FCRLB: variants seen among roughly 807,000 people sequenced by gnomAD.
FCRLB encodes Fc receptor-like B.
In FCRLB, 34 loss-of-function variants were observed where a neutral mutation model predicts 33.6. The observed-to-expected ratio is 1.01, with a 90% CI of 0.77 to 1.35. The LOEUF is 1.35. FCRLB is among the 40% of genes most tolerant of loss of function. The pLI, the probability that FCRLB is intolerant of heterozygous loss-of-function variation, is 0.00. For synonymous variants in FCRLB, 280 were observed against 255.9 expected (o/e 1.09, Z -0.90); for missense variants, 560 against 580.2 (o/e 0.97, Z 0.36).
exon 8 of FCRLB, chr1:161,727,892 T>C: frequency 1.9e-6 from 1 of 538,084 alleles, no homozygotes; most frequent in Non-Finnish European, 3.3e-6. Flanking sequence ...AAACCTGTTA[T>C]TTACTACATT....
chr1:161,725,859 G>A (rs779224508), exon 6 of FCRLB: 2 of 1,613,932 alleles, frequency 1.2e-6, no homozygotes, highest in Non-Finnish European at 1.7e-6. Flanking sequence ...GCCAGTGTTC[G>A]AGGGTGAGCC....
intron 7 of FCRLB, 58 bp from the exon 8 acceptor site, chr1:161,727,189 G>A: frequency 6.7e-6 from 8 of 1,197,232 alleles, no homozygotes; most frequent in Non-Finnish European, 8.9e-6. Context: ...CCCTCCCCCA[G>A]CCCAGCGCCG....
Position 161,726,111 on chromosome 1 carries a change from G to A in FCRLB, c.574+24G>A, listed in dbSNP as rs1218217808. On this transcript the variant is annotated intron_variant, in intron 6 of 7. Transcript: ENST00000367948. The surrounding 1 kb of genome is among the most constrained non-coding windows in gnomAD (Gnocchi z 5.2). ...AGGTGGGAGAGACCAGGGGCCCCGG[G>A]AGGGAGGCAAATGAGCATTGAGAAA... The A allele has an allele frequency of 1.2e-6, 2 of 1,605,850 alleles. No individual in the cohort carries two copies. Among genetic ancestry groups the A allele is most frequent in the Non-Finnish European group, 1.7e-6 (2 of 1,174,056 alleles).
chr1:161,725,861 G>A, exon 6 of FCRLB: 2 of 1,613,930 alleles, frequency 1.2e-6, no homozygotes, highest in Non-Finnish European at 1.7e-6. Context: ...CAGTGTTCGA[G>A]GGTGAGCCGC....
chr1:161,726,906 G>T lies in FCRLB; in HGVS notation c.778G>T (p.Glu260Ter). 1 of 1,589,432 alleles carries T rather than the reference G, an allele frequency of 6.3e-7. No individual in the cohort carries two copies. Among genetic ancestry groups the T allele is most frequent in the Non-Finnish European group, 8.6e-7 (1 of 1,167,512 alleles). ...GTACACAGTCCCGGAGCCCGAGGTC[G>T]AGGAGCTCGAATCGTACTGGTGCGA... Residue 260 changes from glutamate to a stop codon, truncating the protein, a stop_gained, in exon 7 of 8, where the codon GAG becomes TAG. Coordinates refer to ENST00000367948, the Ensembl canonical transcript of FCRLB. LOFTEE classifies it high-confidence loss of function. The surrounding 1 kb of genome is among the most constrained non-coding windows in gnomAD (Gnocchi z 5.2).
At chr1:161,727,199 G>T (rs1385266950) in intron 7 of FCRLB, 48 bp from the exon 8 acceptor site, 4 of 1,271,856 alleles carry the variant, frequency 3.1e-6, no homozygotes, top group Non-Finnish European at 4.2e-6. Context: ...GCCCAGCGCC[G>T]AGAAGAACCA....
rs760228035 is a variant in FCRLB at position 161,726,895 on chromosome 1, A to G, written c.767A>G (p.Glu256Gly). 3.6e-5 allele frequency: 57 copies of G among 1,587,678 alleles called. No homozygotes were observed. Among genetic ancestry groups the G allele is most frequent in the Non-Finnish European group, 4.8e-5 (56 of 1,166,494 alleles). Residue 256 changes from glutamate to glycine, a missense_variant, in exon 7 of 8, where the codon GAG becomes GGG. Coordinates refer to ENST00000367948, the Ensembl canonical transcript of FCRLB. The surrounding 1 kb of genome is among the most constrained non-coding windows in gnomAD (Gnocchi z 5.2). ...TGGGGCGCCGAGTACACAGTCCCGG[A>G]GCCCGAGGTCGAGGAGCTCGAATCG...
In FCRLB at chr1:161,726,563, C is replaced by T. The variant is rs768922272; in HGVS notation, c.575-140C>T. ...CCCCACATTTCAGAAGGCTCCCCTT[C>T]CCCCTCCACGTGGACACACGGCCTC... On this transcript the variant is annotated intron_variant, in intron 6 of 7. Coordinates refer to ENST00000367948, the Ensembl canonical transcript of FCRLB. This position sits in a 1 kb window ranked among gnomAD's most constrained non-coding sequence, Gnocchi z 5.2. 6.7e-6 allele frequency: 8 copies of T among 1,197,928 alleles called. No homozygotes were observed. The African/African-American group carries it at 9.1e-5, about 14-fold the overall frequency. 74.2% of individuals were successfully genotyped at this position (1,197,928 alleles called of 1,614,324 possible).
chr1:161,727,089 GT>G, intron 7 of FCRLB, 96 bp downstream of exon 7: 1 of 769,894 alleles, frequency 1.3e-6, no homozygotes, highest in Non-Finnish European at 1.6e-6. Flanking sequence ...CCTGGTTCCC[GT>G]CCCGCCCCCC....
exon 5 of FCRLB, chr1:161,723,529 A>T (rs1683443622): frequency 6.2e-7 from 1 of 1,614,174 alleles, no homozygotes; most frequent in Non-Finnish European, 8.5e-7. Context: ...CCCTCTCACA[A>T]GAAGAGCATT....
intron 4 of FCRLB, among the ~76,000 whole-genome samples, 161 bp downstream of exon 4, chr1:161,723,170 A>C (rs1053954145): frequency 1.5e-4 from 23 of 152,120 alleles, no homozygotes; most frequent in African/African-American, 5.6e-4. Flanking sequence ...GGCATTTAGA[A>C]ATGGGTGCTG....
At position 161,726,701 on chromosome 1, in the gene FCRLB, A is replaced by G. The variant is rs2101679621; in HGVS notation, c.575-2A>G. Reference sequence around the variant, plus strand: ...CGCCGTTGCTCCCCGCCCTCTCCGTAGAGCTGTTCCGGGCGCCGGTGCTGA... The same window carrying G: ...CGCCGTTGCTCCCCGCCCTCTCCGTGGAGCTGTTCCGGGCGCCGGTGCTGA... On this transcript the variant is annotated splice_acceptor_variant, in intron 6 of 7. Transcript: ENST00000367948. LOFTEE classifies it high-confidence loss of function. This position sits in a 1 kb window ranked among gnomAD's most constrained non-coding sequence, Gnocchi z 5.2. The G allele has an allele frequency of 6.3e-7, 1 of 1,589,942 alleles. No individual in the cohort carries two copies. Among genetic ancestry groups the G allele is most frequent in the East Asian group, 2.3e-5 (1 of 44,142 alleles).
chr1:161,728,039 C>G (rs1255253777), exon 8 of FCRLB: 1 of 183,026 alleles, frequency 5.5e-6, no homozygotes, highest in African/African-American at 2.4e-5. Context: ...ATTTTAGGGT[C>G]AAAGTGTAAT....
Position 161,726,014 on chromosome 1 carries a change from G to A in FCRLB, c.501G>A (p.Gln167=). 1 of 1,614,114 alleles carries A rather than the reference G, an allele frequency of 6.2e-7. No homozygotes were observed. The highest frequency in any genetic ancestry group is 8.5e-7 in the Non-Finnish European group (1 of 1,179,962). Residue 167 remains glutamine, a synonymous_variant, in exon 6 of 8, where the codon CAG becomes CAA. Transcript: ENST00000367948. This position sits in a 1 kb window ranked among gnomAD's most constrained non-coding sequence, Gnocchi z 5.2. ...GTGCCAGCGACAGCGGGCGCTACCA[G>A]TGCTCGGGCACCATGCGCATCCCGG...
At position 161,727,238 on chromosome 1, in the gene FCRLB, C is replaced by G. The variant is rs373624407; in HGVS notation, c.866-9C>G. On this transcript the variant is annotated splice_polypyrimidine_tract_variant and intron_variant, in intron 7 of 7. Transcript: ENST00000367948. The stretch of plus-strand genomic sequence containing the variant: ...AAGCCGCGCGTGACTGGGCGTAATG[C>G]ATTCACAGGTTCTCCCCTGGACCCG... The G allele has an allele frequency of 6.3e-7, 1 of 1,586,212 alleles. No homozygotes were observed.
rs1301731454 is a variant in FCRLB, at chr1:161,721,754, G to A, written c.-116-1G>A. On this transcript the variant is annotated splice_acceptor_variant, in intron 1 of 7. Coordinates refer to ENST00000367948, the Ensembl canonical transcript of FCRLB. LOFTEE classifies it low-confidence loss of function (5UTR_SPLICE). ...AAATTCAGGTTCTCCTCATTGCTCAGGTACGGTCACATGGCTCAGAAAGCA... is the reference window on the plus strand; with the variant it reads ...AAATTCAGGTTCTCCTCATTGCTCAAGTACGGTCACATGGCTCAGAAAGCA... The A allele has an allele frequency of 6.6e-6, 1 of 152,264 alleles. No homozygotes were observed. The highest frequency in any genetic ancestry group is 1.5e-5 in the Non-Finnish European group (1 of 68,094). The allele number at this position is 152,264 out of a possible 1,614,324, so 9.4% of individuals were successfully genotyped here. A position where few individuals can be genotyped will look rare whatever the true frequency, so the allele number is the denominator to read the frequency against.
chr1:161,722,133 G>A (rs1163511788), intron 2 of FCRLB, among the ~76,000 whole-genome samples: 9 of 152,162 alleles, frequency 5.9e-5, no homozygotes, highest in African/African-American at 9.7e-5. Context: ...TCTACTCATT[G>A]TGGCAGGATG....
Position 161,725,809 on chromosome 1 carries a change from T to C in FCRLB, c.308-12T>C, listed in dbSNP as rs1396371816. 5.0e-6 allele frequency: 8 copies of C among 1,591,982 alleles called. No homozygotes were observed. The highest frequency in any genetic ancestry group is 6.0e-6 in the Non-Finnish European group (7 of 1,166,010). On this transcript the variant is annotated splice_polypyrimidine_tract_variant and intron_variant, in intron 5 of 7. Transcript: ENST00000367948. The stretch of plus-strand genomic sequence containing the variant: ...TCTGTGGAGTCAAGCGTGTCTGTGG[T>C]GTCTGTCGCAGATTGGCTGATTCTG...
chr1:161,727,519 C>T (rs748661891), exon 8 of FCRLB: 1 of 1,614,196 alleles, frequency 6.2e-7, no homozygotes. Context: ...AGAAATGCAG[C>T]TGCTCAAAGG....
Sources: gnomAD v4.1 joint callset for allele counts (sites outside exome capture counted in the v4.1 genomes callset) on GRCh38, gnomAD v4.1.1 for gene constraint, Gnocchi (gnomAD v3.1) non-coding constraint, MANE v1.5 for transcripts, NCBI Gene and HGNC (gene_info 2026-07-23, HGNC 2026-07-21) for gene names.